The following PCDHGA7 variants were observed in gnomAD, a reference collection of about 807,000 sequenced individuals.
The protein encoded by PCDHGA7 is protocadherin gamma subfamily A, 7.
A neutral mutation model predicts 58.3 loss-of-function variants in PCDHGA7; 44 were observed. That is an observed-to-expected ratio of 0.75 (90% CI 0.59 to 0.97). PCDHGA7 has a LOEUF of 0.97. Among genes scored for constraint, PCDHGA7 ranks in the 50% least tolerant of loss-of-function variants. PCDHGA7 has a pLI of 0.00. For missense variants in PCDHGA7, 1,266 were observed against 1,188.7 expected, an observed-to-expected ratio of 1.06 and a Z score of -0.96; for synonymous variants, 516 against 504.2, an observed-to-expected ratio of 1.02 and a Z score of -0.31.
chr5:141,418,890 G>C (rs1449142412), intron 1 of PCDHGA7: 1 of 1,613,934 alleles, frequency 6.2e-7, no homozygotes, highest in South Asian at 1.1e-5. Context: ...AACGACAACA[G>C]CCCAGAAATA....
rs762801084 is a variant in PCDHGA7, at chr5:141,389,853, A to T, written c.2424+4530A>T. 5 of 1,614,050 alleles carry T rather than the reference A, an allele frequency of 3.1e-6. No homozygotes were observed. In the South Asian group the frequency reaches 5.5e-5, roughly 18 times the overall value. On this transcript the variant is annotated intron_variant, in intron 1 of 3. Transcript: ENST00000518325. The stretch of plus-strand genomic sequence containing the variant: ...ACAGCCACCACTCTCGGCCACTGCC[A>T]CGTTGCACCTGGTCTTCGCCGACAG...
intron 2 of PCDHGA7, among the ~76,000 whole-genome samples, chr5:141,500,431 G>A (rs1340129330): frequency 6.6e-6 from 1 of 151,476 alleles, no homozygotes; most frequent in Non-Finnish European, 1.5e-5. Flanking sequence ...GGATGGTCTC[G>A]ATCTCCTGAC....
intron 1 of PCDHGA7, chr5:141,392,651 C>A: frequency 1.4e-6 from 1 of 708,948 alleles, no homozygotes; most frequent in Non-Finnish European, 2.2e-6. Context: ...CGAAGACCCG[C>A]AGATGCCACA....
chr5:141,420,229 C>A (rs1206296211), intron 1 of PCDHGA7: 1 of 1,600,344 alleles, frequency 6.2e-7, no homozygotes, highest in South Asian at 1.1e-5. Flanking sequence ...TACTGGCTAG[C>A]ATTTTAACTC....
Position 141,399,994 on chromosome 5 carries a change from C to T in PCDHGA7, c.2424+14671C>T, listed in dbSNP as rs538358679. 27 of 1,612,262 alleles carry T rather than the reference C, an allele frequency of 1.7e-5. No individual in the cohort carries two copies. The East Asian group carries it at 1.8e-4, about 11-fold the overall frequency. On this transcript the variant is annotated intron_variant, in intron 1 of 3. Coordinates refer to ENST00000518325, the MANE Select transcript of PCDHGA7 (RefSeq NM_018920.4). ...CCTGGGGCTGCGCACAGGAGAGGTG[C>T]GCACAGCGCGTGCCTTGGGCGACAG...
intron 1 of PCDHGA7, chr5:141,389,915 C>T (rs371220204): frequency 2.2e-5 from 36 of 1,613,944 alleles, no homozygotes; most frequent in Non-Finnish European, 4.2e-6. Context: ...CTGACCGCCC[C>T]GACCCCTCTG....
chr5:141,486,498 T>C lies in PCDHGA7; in HGVS notation c.2425-8309T>C, dbSNP rs755907391. On this transcript the variant is annotated intron_variant, in intron 1 of 3. Coordinates refer to ENST00000518325, the MANE Select transcript of PCDHGA7 (RefSeq NM_018920.4). The surrounding 1 kb of genome is among the most constrained non-coding windows in gnomAD (Gnocchi z 5.0). The stretch of plus-strand genomic sequence containing the variant: ...CCTCTCAGTACCCACAGAACTATTT[T>C]CCTCAATATTTCAGATGTGAATGAT... 6.2e-7 allele frequency: 1 copy of C among 1,614,030 alleles called. No individual in the cohort carries two copies. The highest frequency in any genetic ancestry group is 8.5e-7 in the Non-Finnish European group (1 of 1,179,874).
At chr5:141,403,738 T>G in intron 1 of PCDHGA7, 3 of 1,613,930 alleles carry the variant, frequency 1.9e-6, no homozygotes, top group Admixed American at 3.3e-5. Context: ...CCTGGCTGCT[T>G]ACTGCAACAG....
chr5:141,490,589 A>G lies in PCDHGA7; in HGVS notation c.2425-4218A>G, dbSNP rs761250654. On this transcript the variant is annotated intron_variant, in intron 1 of 3. Transcript: ENST00000518325. The surrounding 1 kb of genome is among the most constrained non-coding windows in gnomAD (Gnocchi z 5.4). ...CTCAACATTTCAGATGTCAATGACA[A>G]TGCACCCCGCTTCAACCAGCAGCTT... The G allele has an allele frequency of 5.7e-5, 92 of 1,614,042 alleles. No individual in the cohort carries two copies. Among genetic ancestry groups the G allele is most frequent in the Non-Finnish European group, 7.6e-5 (90 of 1,180,036 alleles).
At position 141,389,707 on chromosome 5, in the gene PCDHGA7, A is replaced by G; in HGVS notation, c.2424+4384A>G. 1 of 1,612,620 alleles carries G rather than the reference A, an allele frequency of 6.2e-7. No homozygotes were observed. Among genetic ancestry groups the G allele is most frequent in the African/African-American group, 1.3e-5 (1 of 75,046 alleles). The stretch of plus-strand genomic sequence containing the variant: ...GCCTGGCTGTCCTACCACGTGCTGC[A>G]GGCTAGCGAGCCCGGGCTCTTCAGC... On this transcript the variant is annotated intron_variant, in intron 1 of 3. Coordinates refer to ENST00000518325, the MANE Select transcript of PCDHGA7 (RefSeq NM_018920.4).
Position 141,382,965 on chromosome 5 carries a change from C to T in PCDHGA7, c.66C>T (p.Thr22=). ...TCCTGCTCTCCATCCTCCTGGGGAC[C>T]CCCTGGGAAGCCTGGGCAGGACGTA... is the stretch of plus-strand genomic sequence containing the variant. ...GFFLLSILLG[T]PWEAWAGRIL... Residue 22 remains threonine, a synonymous_variant, in exon 1 of 4, where the codon ACC becomes ACT. Transcript: ENST00000518325. 6.2e-7 allele frequency: 1 copy of T among 1,608,730 alleles called. No homozygotes were observed. The highest frequency in any genetic ancestry group is 2.2e-5 in the East Asian group (1 of 44,736).
In PCDHGA7 at chr5:141,383,374, G is replaced by T; in HGVS notation, c.475G>T (p.Asp159Tyr). ...GVRFPLSEAG[D>Y]PDVGTNSLQS... is the part of the protein sequence containing the mutation. ...TCGGTTTCCGTTAAGCGAGGCTGGG[G>T]ATCCAGATGTGGGCACGAACTCCCT... The change falls in exon 1 of 4, where the codon GAT becomes TAT. Residue 159 changes from aspartate to tyrosine, a missense_variant. By Grantham distance (160) the Asp-to-Tyr change is radical (BLOSUM62 -3). Transcript: ENST00000518325. 6.2e-7 allele frequency: 1 copy of T among 1,614,028 alleles called. No individual in the cohort carries two copies.
chr5:141,500,124 A>G (rs1042231430), intron 2 of PCDHGA7, among the ~76,000 whole-genome samples: 2 of 151,656 alleles, frequency 1.3e-5, no homozygotes, highest in African/African-American at 2.4e-5. Flanking sequence ...GCCTTTTCAT[A>G]TATATCTTTC....
chr5:141,479,806 G>A (rs1188862048), intron 1 of PCDHGA7, among the ~76,000 whole-genome samples: 1 of 152,182 alleles, frequency 6.6e-6, no homozygotes, highest in Non-Finnish European at 1.5e-5. Context: ...AGGGTGGTAT[G>A]CAAGGATACT....
chr5:141,418,370 C>G (rs910813828), intron 1 of PCDHGA7: 1 of 1,613,822 alleles, frequency 6.2e-7, no homozygotes, highest in African/African-American at 1.3e-5. Flanking sequence ...GAGCAAATAC[C>G]AACTAAGTCC....
At chr5:141,488,157 C>T (rs565677003) in intron 1 of PCDHGA7, among the ~76,000 whole-genome samples, 2 of 152,216 alleles carry the variant, frequency 1.3e-5, no homozygotes, top group South Asian at 2.1e-4. Context: ...TAGAGAGGCA[C>T]GCATCAGAGT....
intron 1 of PCDHGA7, chr5:141,409,528 C>T (rs1488294674): frequency 3.1e-6 from 5 of 1,613,882 alleles, no homozygotes; most frequent in Non-Finnish European, 4.2e-6. Context: ...CCTTGTATGT[C>T]GCTGACATCA....
chr5:141,437,030 A>G (rs1246601314), intron 1 of PCDHGA7, among the ~76,000 whole-genome samples: 1 of 152,248 alleles, frequency 6.6e-6, no homozygotes, highest in Non-Finnish European at 1.5e-5. Context: ...CAGAAAATGG[A>G]TCACCGAAAC....
chr5:141,413,690 A>T lies in PCDHGA7; in HGVS notation c.2424+28367A>T, dbSNP rs553462819. On this transcript the variant is annotated intron_variant, in intron 1 of 3. Transcript: ENST00000518325. ...CCGGATGTGGGCGTGAACTCCCTGC[A>T]GAGCTATCAGCTCAGCCCCAATAAG... 9.9e-6 allele frequency: 16 copies of T among 1,613,702 alleles called. No individual in the cohort carries two copies. The East Asian group carries it at 2.9e-4, about 29-fold the overall frequency.
Sources: allele counts gnomAD v4.1 joint callset (sites outside exome capture counted in the v4.1 genomes callset), GRCh38; gene constraint gnomAD v4.1.1; non-coding constraint Gnocchi (gnomAD v3.1); transcripts MANE v1.5; gene names NCBI Gene and HGNC (gene_info 2026-07-23, HGNC 2026-07-21).